ANKS1B: variants seen among roughly 807,000 people sequenced by gnomAD.
ANKS1B encodes the protein ankyrin repeat and sterile alpha motif domain containing 1B, also known as ankyrin repeat and sterile alpha motif domain-containing protein 1B.
A neutral mutation model predicts 148.3 loss-of-function variants in ANKS1B; 36 were observed. That is an observed-to-expected ratio of 0.24 (90% CI 0.19 to 0.32). The LOEUF is 0.32. ANKS1B is among the 10% of genes least tolerant of loss of function. The probability of loss-of-function intolerance (pLI) is 1.00; values close to 1 mark genes in which losing one functional copy is unlikely to be tolerated. For missense variants in ANKS1B, 1,157 were observed against 1,542.6 expected, an observed-to-expected ratio of 0.75 and a Z score of 4.19; for synonymous variants, 542 against 560.8, an observed-to-expected ratio of 0.97 and a Z score of 0.47.
intron 10 of ANKS1B, among the ~76,000 whole-genome samples, chr12:99,498,926 T>C (rs1475485842): frequency 1.3e-5 from 2 of 152,190 alleles, no homozygotes; most frequent in Non-Finnish European, 2.9e-5. Flanking sequence ...GGGAAATGCA[T>C]AGCTAGGTAT....
chr12:99,667,002 C>T (rs1211002488), intron 8 of ANKS1B, among the ~76,000 whole-genome samples: 1 of 151,900 alleles, frequency 6.6e-6, no homozygotes, highest in Non-Finnish European at 1.5e-5. Context: ...ATTTATTCAT[C>T]TTATAACTGA....
At chr12:99,935,214 G>A (rs866363555) in intron 1 of ANKS1B, among the ~76,000 whole-genome samples, 1 of 152,030 alleles carries the variant, frequency 6.6e-6, no homozygotes, top group South Asian at 2.1e-4. Flanking sequence ...GGGTAGAATA[G>A]ATATATAACA....
At chr12:99,868,241 A>G (rs2091013263) in intron 1 of ANKS1B, among the ~76,000 whole-genome samples, 1 of 152,206 alleles carries the variant, frequency 6.6e-6, no homozygotes, top group Non-Finnish European at 1.5e-5. Flanking sequence ...GCTTCAGAAG[A>G]GCTAATTTCT....
chr12:98,883,279 T>C (rs537789919), intron 17 of ANKS1B, among the ~76,000 whole-genome samples: 23 of 152,280 alleles, frequency 1.5e-4, no homozygotes, highest in African/African-American at 5.1e-4. Context: ...TAAAAAGCAA[T>C]AGGGGATTAG....
chr12:98,896,942 T>C (rs900851753), intron 17 of ANKS1B, among the ~76,000 whole-genome samples: 4 of 151,978 alleles, frequency 2.6e-5, no homozygotes, highest in Non-Finnish European at 5.9e-5. Context: ...GATAACAATA[T>C]TGGGCAATCT....
intron 8 of ANKS1B, among the ~76,000 whole-genome samples, chr12:99,747,901 A>G (rs775995805): frequency 1.2e-4 from 18 of 152,170 alleles, no homozygotes; most frequent in South Asian, 2.1e-4. Flanking sequence ...AAAGAAACAC[A>G]TGAGTACACC....
At chr12:99,534,710 CTTTTTT>C (rs143251962) in intron 9 of ANKS1B, among the ~76,000 whole-genome samples, 2 of 123,834 alleles carry the variant, frequency 1.6e-5, no homozygotes, top group Non-Finnish European at 3.4e-5. Flanking sequence ...TTTTTCTTTT[CTTTTTT>C]TTTTTTTTTT....
intron 10 of ANKS1B, among the ~76,000 whole-genome samples, chr12:99,481,311 G>C (rs1040551604): frequency 6.6e-6 from 1 of 151,784 alleles, no homozygotes; most frequent in African/African-American, 2.4e-5. Context: ...ACCTCACTTA[G>C]AATAATGGCC....
At chr12:98,979,344 T>C (rs1425403856) in intron 17 of ANKS1B, among the ~76,000 whole-genome samples, 1 of 151,580 alleles carries the variant, frequency 6.6e-6, no homozygotes, top group Non-Finnish European at 1.5e-5. Context: ...CTTGGCTCAC[T>C]GCAACCCCCG....
intron 4 of ANKS1B, among the ~76,000 whole-genome samples, chr12:99,802,669 T>C (rs2067093166): frequency 6.6e-6 from 1 of 152,110 alleles, no homozygotes; most frequent in Non-Finnish European, 1.5e-5. Flanking sequence ...TCCCAGCACT[T>C]TGGAAGGCCA....
chr12:99,629,444 A>T (rs953112262), intron 9 of ANKS1B, among the ~76,000 whole-genome samples: 5 of 152,182 alleles, frequency 3.3e-5, no homozygotes, highest in African/African-American at 1.2e-4. Flanking sequence ...GTACTCTACT[A>T]TTACTACTTA....
At chr12:99,469,064 G>A in intron 10 of ANKS1B, among the ~76,000 whole-genome samples, 1 of 152,146 alleles carries the variant, frequency 6.6e-6, no homozygotes, top group African/African-American at 2.4e-5. Flanking sequence ...TGACAGACTG[G>A]ATTAAGAAAA....
chr12:99,777,654 G>A (rs1191292327), intron 6 of ANKS1B, among the ~76,000 whole-genome samples: 4 of 152,094 alleles, frequency 2.6e-5, no homozygotes, highest in South Asian at 2.1e-4. Flanking sequence ...GCGCGATCTC[G>A]GCTCACTGCA....
intron 25 of ANKS1B, among the ~76,000 whole-genome samples, chr12:98,759,898 T>G (rs2098362041): frequency 6.6e-6 from 1 of 152,132 alleles, no homozygotes; most frequent in Non-Finnish European, 1.5e-5. Flanking sequence ...GAGACTCGCT[T>G]GAGCCCAGGA....
At chr12:99,262,710 T>A (rs2076050894) in intron 12 of ANKS1B, among the ~76,000 whole-genome samples, 1 of 151,920 alleles carries the variant, frequency 6.6e-6, no homozygotes, top group Admixed American at 6.6e-5. Context: ...AATTGAGACA[T>A]GTTTATTTTA....
At chr12:99,910,345 ACT>A (rs1480043042) in intron 1 of ANKS1B, among the ~76,000 whole-genome samples, 2 of 112,498 alleles carry the variant, frequency 1.8e-5, no homozygotes, top group African/African-American at 7.6e-5. Flanking sequence ...ACAGGGCAAG[ACT>A]CCATCTCAAA....
Position 99,812,211 on chromosome 12 carries a change from C to T in ANKS1B, c.316G>A (p.Glu106Lys). ...IHLAAWKGDV[E>K]IVKILIHHGP... is the part of the protein sequence containing the mutation. The stretch of plus-strand genomic sequence containing the variant: ...TGATGAATAAGAATCTTCACAATTT[C>T]CACATCTCCTTTCCAGGCAGCCAGG... Residue 106 changes from glutamate (E) to lysine (K), a missense_variant, in exon 3 of 27, where the codon GAA becomes AAA. Transcript: ENST00000683438. 1 of 1,612,098 alleles carries T rather than the reference C, an allele frequency of 6.2e-7. No homozygotes were observed. Among genetic ancestry groups the T allele is most frequent in the Non-Finnish European group, 8.5e-7 (1 of 1,178,684 alleles).
chr12:99,392,617 G>A (rs181205023), intron 12 of ANKS1B, among the ~76,000 whole-genome samples: 15 of 152,290 alleles, frequency 9.8e-5, no homozygotes, highest in African/African-American at 3.1e-4. Flanking sequence ...TCTTCATGTG[G>A]AAACAACTTT....
At chr12:99,795,743 C>A (rs956654583) in intron 4 of ANKS1B, among the ~76,000 whole-genome samples, 2 of 151,942 alleles carry the variant, frequency 1.3e-5, no homozygotes, top group Admixed American at 1.3e-4. Context: ...TGTCTAAAAC[C>A]AAAGATAGTA....
Sources: allele counts gnomAD v4.1 joint callset (sites outside exome capture counted in the v4.1 genomes callset), GRCh38; gene constraint gnomAD v4.1.1; transcripts MANE v1.5; gene names NCBI Gene and HGNC (gene_info 2026-07-23, HGNC 2026-07-21).